The following CCSER1 variants were observed in gnomAD, a reference collection of about 807,000 sequenced individuals.
CCSER1 encodes the protein serine-rich coiled-coil domain-containing protein 1.
CCSER1 carries 41 observed loss-of-function variants against 82.0 expected under a neutral mutation model. That is an observed-to-expected ratio of 0.50 (90% CI 0.39 to 0.65). The LOEUF (loss-of-function observed/expected upper bound fraction) is 0.65. CCSER1 is among the 30% of genes least tolerant of loss of function. CCSER1 has a pLI of 0.00. For missense variants in CCSER1, 1,119 were observed against 1,064.2 expected, an observed-to-expected ratio of 1.05 and a Z score of -0.72; for synonymous variants, 414 against 383.9, an observed-to-expected ratio of 1.08 and a Z score of -0.92.
At chr4:90,411,589 A>C (rs1754814402) in intron 4 of CCSER1, among the ~76,000 whole-genome samples, 1 of 151,918 alleles carries the variant, frequency 6.6e-6, no homozygotes, top group African/African-American at 2.4e-5. Flanking sequence ...CGTGCTAAAA[A>C]CTCAATAAAT....
chr4:90,620,633 C>T (rs1165237282), intron 5 of CCSER1, among the ~76,000 whole-genome samples: 4 of 152,092 alleles, frequency 2.6e-5, no homozygotes, highest in Non-Finnish European at 5.9e-5. Flanking sequence ...TGGAATATAT[C>T]CTTTAGCCAT....
At chr4:90,354,097 AT>A (rs1392350419) in intron 3 of CCSER1, among the ~76,000 whole-genome samples, 7 of 152,324 alleles carry the variant, frequency 4.6e-5, no homozygotes, top group Admixed American at 1.3e-4. Flanking sequence ...TATTAATGTA[AT>A]GAAATACTAT....
intron 1 of CCSER1, among the ~76,000 whole-genome samples, chr4:90,224,714 A>G (rs1404582561): frequency 1.3e-5 from 2 of 152,226 alleles, no homozygotes; most frequent in Non-Finnish European, 2.9e-5. Flanking sequence ...GGCATGTAAT[A>G]GACACTCAAA....
At chr4:91,544,974 C>A (rs1285516887) in intron 10 of CCSER1, among the ~76,000 whole-genome samples, 1 of 152,086 alleles carries the variant, frequency 6.6e-6, no homozygotes, top group Non-Finnish European at 1.5e-5. Context: ...AGCTTCCTAG[C>A]CGCTTTCTTT....
At chr4:90,325,323 A>G (rs1737966073) in intron 3 of CCSER1, among the ~76,000 whole-genome samples, 1 of 152,236 alleles carries the variant, frequency 6.6e-6, no homozygotes, top group Non-Finnish European at 1.5e-5. Context: ...ATTTAAAAGG[A>G]CAGCAGTAAA....
chr4:90,865,677 A>G (rs949113443), intron 8 of CCSER1, among the ~76,000 whole-genome samples: 2 of 152,012 alleles, frequency 1.3e-5, no homozygotes, highest in East Asian at 1.9e-4. Context: ...TCATTTCAGT[A>G]TGAAAGATGT....
At chr4:90,260,083 A>G (rs1724046883) in intron 1 of CCSER1, among the ~76,000 whole-genome samples, 1 of 152,166 alleles carries the variant, frequency 6.6e-6, no homozygotes, top group African/African-American at 2.4e-5. Context: ...TTGTACATCC[A>G]TCTGGTCCTG....
In CCSER1 at chr4:90,718,261, TA is replaced by T. The variant is rs971650417; in HGVS notation, c.1933-5647del. 2.1e-3 allele frequency among the ~76,000 whole-genome samples: 312 copies of T among 152,194 alleles called. 3 individuals carry two copies. Among genetic ancestry groups the T allele is most frequent in the African/African-American group, 6.9e-3 (286 of 41,558 alleles). Reference sequence around the variant, plus strand: ...CATTATAGAATTTACCCTAATGGCTTAAAAAAGTTAAAATATTTCACCTACA... The same window carrying T: ...CATTATAGAATTTACCCTAATGGCTTAAAAAGTTAAAATATTTCACCTACA... On this transcript the variant is annotated intron_variant, in intron 6 of 10. Transcript: ENST00000509176.
At chr4:90,984,780 A>G (rs1004448320) in intron 9 of CCSER1, among the ~76,000 whole-genome samples, 1 of 151,728 alleles carries the variant, frequency 6.6e-6, no homozygotes, top group Non-Finnish European at 1.5e-5. Context: ...TTTTAAAGAT[A>G]AACATTGACA....
chr4:90,416,565 G>A (rs1427319500), intron 4 of CCSER1, among the ~76,000 whole-genome samples: 1 of 152,050 alleles, frequency 6.6e-6, no homozygotes, highest in Non-Finnish European at 1.5e-5. Flanking sequence ...ATTCTCAGTT[G>A]CCCAAAATAG....
chr4:90,944,848 A>G (rs1015907733), intron 9 of CCSER1, among the ~76,000 whole-genome samples: 1 of 152,224 alleles, frequency 6.6e-6, no homozygotes, highest in Non-Finnish European at 1.5e-5. Context: ...ATCAGTTGCT[A>G]TAACTCCTTC....
intron 8 of CCSER1, among the ~76,000 whole-genome samples, chr4:90,835,248 G>A (rs1212771532): frequency 1.3e-5 from 2 of 152,122 alleles, no homozygotes; most frequent in Non-Finnish European, 2.9e-5. Flanking sequence ...GGAGAATGGC[G>A]TGAACCCGGG....
intron 10 of CCSER1, among the ~76,000 whole-genome samples, chr4:91,300,358 G>A (rs938622542): frequency 1.3e-5 from 2 of 151,740 alleles, no homozygotes; most frequent in African/African-American, 4.8e-5. Flanking sequence ...AATAAGACTC[G>A]AAGGCACCAT....
At chr4:90,191,736 C>G (rs994087530) in intron 1 of CCSER1, among the ~76,000 whole-genome samples, 1 of 152,022 alleles carries the variant, frequency 6.6e-6, no homozygotes, top group African/African-American at 2.4e-5. Context: ...AAAGTAGAAG[C>G]ATAAGACAAG....
chr4:91,057,692 G>C (rs1743575735), intron 9 of CCSER1, among the ~76,000 whole-genome samples: 1 of 152,076 alleles, frequency 6.6e-6, no homozygotes. Context: ...ATTTCATAGA[G>C]CTATTCCAAA....
intron 10 of CCSER1, among the ~76,000 whole-genome samples, chr4:91,508,162 G>GT (rs139066436): frequency 0.44 from 42,760 of 97,248 alleles, 8,763 homozygotes; most frequent in East Asian, 0.48. Flanking sequence ...TTTTTTCTGG[G>GT]TTTTTTTTTT....
chr4:90,979,373 G>C (rs1415691738), intron 9 of CCSER1, among the ~76,000 whole-genome samples: 4 of 151,334 alleles, frequency 2.6e-5, no homozygotes, highest in Non-Finnish European at 4.4e-5. Flanking sequence ...TAAGAGATAA[G>C]TTCCTATACT....
At chr4:90,388,938 A>C (rs186669166) in intron 3 of CCSER1, among the ~76,000 whole-genome samples, 344 of 152,306 alleles carry the variant, frequency 2.3e-3, no homozygotes, top group Non-Finnish European at 3.9e-3. Context: ...ACCTGGCCCT[A>C]TGATAAATAT....
chr4:90,687,576 C>T (rs1313843066), intron 6 of CCSER1, among the ~76,000 whole-genome samples: 4 of 152,136 alleles, frequency 2.6e-5, no homozygotes, highest in African/African-American at 9.7e-5. Flanking sequence ...TAAAGCACTA[C>T]ACTTTAGAAG....
Sources: allele counts gnomAD v4.1 joint callset (sites outside exome capture counted in the v4.1 genomes callset), GRCh38; gene constraint gnomAD v4.1.1; transcripts MANE v1.5; gene names NCBI Gene and HGNC (gene_info 2026-07-23, HGNC 2026-07-21).